The following SMG1 variants were observed in gnomAD, a reference collection of about 807,000 sequenced individuals.
SMG1 encodes serine/threonine-protein kinase SMG1.
In SMG1, 22 loss-of-function variants were observed where a neutral mutation model predicts 419.9. The ratio of observed to expected loss-of-function variants is 0.05; its 90% CI spans 0.04 to 0.07. The LOEUF (loss-of-function observed/expected upper bound fraction) is 0.07, where lower values mean the gene tolerates loss of function less well. Among genes scored for constraint, SMG1 ranks in the 10% least tolerant of loss-of-function variants. The pLI is 1.00. For synonymous variants in SMG1, 1,538 were observed against 1,553.5 expected (o/e 0.99, Z 0.23); for missense variants, 3,185 against 4,342.0 (o/e 0.73, Z 7.49).
chr16:18,860,251 T>C (rs2035145585), intron 26 of SMG1, among the ~76,000 whole-genome samples: 1 of 152,136 alleles, frequency 6.6e-6, no homozygotes, highest in Non-Finnish European at 1.5e-5. Context: ...CAATCTACTA[T>C]TTAAGGGGAC....
At chr16:18,846,201 T>C (rs185432971) in intron 38 of SMG1, among the ~76,000 whole-genome samples, 1 of 152,234 alleles carries the variant, frequency 6.6e-6, no homozygotes, top group African/African-American at 2.4e-5. Flanking sequence ...GAAAATGTGA[T>C]ATCAACATGC....
rs771146671 is a variant in SMG1 at position 18,845,621 on chromosome 16, C to T, written c.6027G>A (p.Lys2009=). The part of the protein sequence containing the change: ...KEEKIAIMRE[K]HTALMKPIVF... ...CGATGGGCTTCATCAAAGCTGTGTG[C>T]TTCTCCCTCATGATTGCAATTTTCT... The change falls in exon 39 of 63, where the codon AAG becomes AAA. Residue 2009 remains lysine (K), a synonymous_variant. Transcript: ENST00000446231. The T allele has an allele frequency of 1.2e-6, 2 of 1,608,322 alleles. No homozygotes were observed. Among genetic ancestry groups the T allele is most frequent in the Non-Finnish European group, 1.7e-6 (2 of 1,175,884 alleles).
intron 9 of SMG1, among the ~76,000 whole-genome samples, 191 bp downstream of exon 9, chr16:18,883,879 A>AT (rs2036508705): frequency 1.3e-5 from 2 of 149,348 alleles, no homozygotes; most frequent in Non-Finnish European, 3.0e-5. Flanking sequence ...AGACCGTGCC[A>AT]TTGCACTCCA....
chr16:18,914,613 G>A (rs988843645), intron 1 of SMG1, among the ~76,000 whole-genome samples: 3 of 152,170 alleles, frequency 2.0e-5, no homozygotes, highest in East Asian at 2.0e-4. Flanking sequence ...GAACCCAGGC[G>A]GCAGAGTTTG....
At chr16:18,843,047 C>A (rs1347894932) in intron 39 of SMG1, among the ~76,000 whole-genome samples, 1 of 152,172 alleles carries the variant, frequency 6.6e-6, no homozygotes, top group Non-Finnish European at 1.5e-5. Flanking sequence ...GTGATCATCA[C>A]CCAATTAGGG....
chr16:18,912,743 A>G (rs948122677), intron 1 of SMG1, among the ~76,000 whole-genome samples: 24 of 152,156 alleles, frequency 1.6e-4, no homozygotes, highest in African/African-American at 5.8e-4. Flanking sequence ...AATCCTATCA[A>G]TATTTCAAAT....
chr16:18,816,628 C>G, intron 57 of SMG1, 99 bp from the exon 58 acceptor site: 1 of 951,356 alleles, frequency 1.1e-6, no homozygotes, highest in Non-Finnish European at 1.6e-6. Context: ...CTCAAGCTGA[C>G]ACAAAGAGAA....
rs760766974 is a variant in SMG1, at chr16:18,847,527, G to A, written c.5922C>T (p.His1974=). 1.2e-6 allele frequency: 2 copies of A among 1,614,016 alleles called. No homozygotes were observed. The highest frequency in any genetic ancestry group is 1.7e-6 in the Non-Finnish European group (2 of 1,179,886). The change falls in exon 38 of 63, where the codon CAC becomes CAT. Residue 1974 remains histidine (H), a synonymous_variant. Transcript: ENST00000446231. ...ELWLGVLLQQ[H]MYVLRRIQQL... is the part of the protein sequence containing the mutation. ...GCTGAATTCGTCTCAGGACATACAT[G>A]TGTTGTTGCAGCAAAACTCCCAGCC...
intron 15 of SMG1, 78 bp from the exon 16 acceptor site, chr16:18,871,560 C>T: frequency 1.7e-6 from 1 of 571,442 alleles, no homozygotes; most frequent in Non-Finnish European, 3.0e-6. Flanking sequence ...AGTCTTCTTA[C>T]ATTGGTCTTC....
At chr16:18,890,148 C>G (rs1457748650) in intron 5 of SMG1, among the ~76,000 whole-genome samples, 2 of 152,162 alleles carry the variant, frequency 1.3e-5, no homozygotes, top group East Asian at 3.8e-4. Flanking sequence ...TCTGGAGATT[C>G]TAATAGCCAG....
intron 1 of SMG1, among the ~76,000 whole-genome samples, chr16:18,909,090 C>G (rs776231036): frequency 1.5e-4 from 22 of 150,976 alleles, no homozygotes; most frequent in Non-Finnish European, 2.6e-4. Context: ...CACCTGTAAT[C>G]CCAGCACTTT....
In SMG1 at chr16:18,882,327, A is replaced by G. The variant is rs368904706; in HGVS notation, c.1131T>C (p.His377=). ...CATCCACTGATTCCCCAGAGGCCAC[A>G]TGGCTGAGGTCCTAGATGTGAATTC... The part of the protein sequence containing the change: ...DMEAYAEDLS[H]VASGESVDED... The change falls in exon 10 of 63, where the codon CAT becomes CAC. Residue 377 remains histidine, a synonymous_variant. Coordinates refer to ENST00000446231, the MANE Select transcript of SMG1 (RefSeq NM_015092.5). 1,292 of 1,604,132 alleles carry G rather than the reference A, an allele frequency of 8.1e-4. 22 individuals carry two copies. In the South Asian group the frequency reaches 0.014, roughly 17 times the overall value.
At chr16:18,911,026 C>A (rs2037772580) in intron 1 of SMG1, among the ~76,000 whole-genome samples, 1 of 152,064 alleles carries the variant, frequency 6.6e-6, no homozygotes, top group Non-Finnish European at 1.5e-5. Flanking sequence ...TTGTACTTGC[C>A]CTCCAATCTA....
intron 51 of SMG1, 102 bp downstream of exon 51, chr16:18,832,838 C>T: frequency 1.0e-6 from 1 of 985,200 alleles, no homozygotes; most frequent in Non-Finnish European, 1.6e-6. Flanking sequence ...ATTATACCTG[C>T]TCTAAAAACT....
rs1243152773 is a variant in SMG1 at position 18,863,860 on chromosome 16, AT to A, written c.3494-10del. The A allele has an allele frequency of 6.3e-7, 1 of 1,584,352 alleles. No individual in the cohort carries two copies. Among genetic ancestry groups the A allele is most frequent in the Non-Finnish European group, 8.6e-7 (1 of 1,157,508 alleles). On this transcript the variant is annotated splice_polypyrimidine_tract_variant and intron_variant, in intron 24 of 62. Coordinates refer to ENST00000446231, the MANE Select transcript of SMG1 (RefSeq NM_015092.5). ...AGTTTTTCTGGATTCACCTGAAAGTATTTTATAAAATAAGAAGAGAGAGATT... is the reference window on the plus strand; with the variant it reads ...AGTTTTTCTGGATTCACCTGAAAGTATTTATAAAATAAGAAGAGAGAGATT...
intron 29 of SMG1, chr16:18,856,520 G>A (rs2141437955): frequency 6.6e-6 from 1 of 152,106 alleles, no homozygotes; most frequent in Admixed American, 6.6e-5. Flanking sequence ...TGTATTTTTA[G>A]TAGAGATGGG....
intron 19 of SMG1, 129 bp downstream of exon 19, chr16:18,869,725 C>A (rs2141584253): frequency 2.6e-6 from 2 of 763,952 alleles, no homozygotes; most frequent in South Asian, 3.4e-5. Context: ...ACTAAAATAA[C>A]CCATATGAGA....
intron 1 of SMG1, among the ~76,000 whole-genome samples, chr16:18,913,485 G>C (rs1476131661): frequency 6.6e-6 from 1 of 151,300 alleles, no homozygotes; most frequent in Non-Finnish European, 1.5e-5. Context: ...AATTCAAAGA[G>C]CTTCAGTAAA....
At chr16:18,918,894 T>C (rs573514553) in intron 1 of SMG1, among the ~76,000 whole-genome samples, 243 of 151,132 alleles carry the variant, frequency 1.6e-3, no homozygotes, top group Non-Finnish European at 2.0e-3. Flanking sequence ...CAAGACTGTC[T>C]CAAAAAAAAA....
Sources: allele counts gnomAD v4.1 joint callset (sites outside exome capture counted in the v4.1 genomes callset), GRCh38; gene constraint gnomAD v4.1.1; transcripts MANE v1.5; gene names NCBI Gene and HGNC (gene_info 2026-07-23, HGNC 2026-07-21).